SPMIP2: variants seen among roughly 807,000 people sequenced by gnomAD.
SPMIP2 encodes the protein protein SPMIP2.
chr4:159,032,196 T>C, the SPMIP2 span, among the ~76,000 whole-genome samples: 1 of 152,084 alleles, frequency 6.6e-6, no homozygotes, highest in Non-Finnish European at 1.5e-5. Flanking sequence ...CACTCCAGCC[T>C]GAGCAACAGA....
the SPMIP2 span, among the ~76,000 whole-genome samples, chr4:159,016,387 T>C: frequency 6.6e-6 from 1 of 152,212 alleles, no homozygotes; most frequent in Admixed American, 6.5e-5. Flanking sequence ...AGCCCACTTA[T>C]TATACTACTG....
At chr4:158,904,575 G>GA in the SPMIP2 span, 15 of 1,581,464 alleles carry the variant, frequency 9.5e-6, no homozygotes, top group East Asian at 1.8e-4. Flanking sequence ...TTCCTTGGAA[G>GA]AAAAAAATCA....
At chr4:159,047,080 T>C in the SPMIP2 span, among the ~76,000 whole-genome samples, 1 of 152,226 alleles carries the variant, frequency 6.6e-6, no homozygotes, top group East Asian at 1.9e-4. Context: ...AGCACTCCAC[T>C]TCAGTGACCA....
the SPMIP2 span, among the ~76,000 whole-genome samples, chr4:158,924,961 T>C: frequency 1.3e-5 from 2 of 152,244 alleles, no homozygotes; most frequent in Non-Finnish European, 2.9e-5. Flanking sequence ...TTTACTAGTA[T>C]TTTGTTGAAT....
chr4:159,012,934 C>T, the SPMIP2 span, among the ~76,000 whole-genome samples: 1 of 152,128 alleles, frequency 6.6e-6, no homozygotes. Context: ...ATTAGATTTC[C>T]ACTTCAAAAG....
chr4:158,957,301 T>A, the SPMIP2 span, among the ~76,000 whole-genome samples: 1 of 152,208 alleles, frequency 6.6e-6, no homozygotes, highest in Non-Finnish European at 1.5e-5. Context: ...AATCTGATCC[T>A]CATCTCACTA....
the SPMIP2 span, among the ~76,000 whole-genome samples, chr4:158,930,591 C>A: frequency 1.3e-4 from 19 of 151,764 alleles, no homozygotes; most frequent in African/African-American, 3.9e-4. Flanking sequence ...TCCTGGACTC[C>A]AGTGATCCTT....
the SPMIP2 span, among the ~76,000 whole-genome samples, chr4:158,950,412 T>C: frequency 6.6e-6 from 1 of 152,202 alleles, no homozygotes; most frequent in African/African-American, 2.4e-5. Context: ...CCACAGCCAT[T>C]TGAGCTGTTA....
chr4:158,980,341 C>T, the SPMIP2 span, among the ~76,000 whole-genome samples: 1 of 152,334 alleles, frequency 6.6e-6, no homozygotes, highest in South Asian at 2.1e-4. Context: ...CCCAGCACAG[C>T]ATTCGAGCTC....
the SPMIP2 span, among the ~76,000 whole-genome samples, chr4:159,069,439 C>CT: frequency 7.5e-5 from 11 of 147,228 alleles, no homozygotes; most frequent in South Asian, 2.2e-4. Context: ...TTTCTTTTTT[C>CT]TTTTTTTTTT....
the SPMIP2 span, among the ~76,000 whole-genome samples, chr4:159,062,729 C>CTCTCTCTCT: frequency 3.4e-4 from 51 of 150,336 alleles, no homozygotes; most frequent in East Asian, 5.9e-4. Context: ...CTCTCTGTCA[C>CTCTCTCTCT]CCAGGCTGGA....
chr4:159,073,300 C>T, the SPMIP2 span, among the ~76,000 whole-genome samples: 1 of 152,020 alleles, frequency 6.6e-6, no homozygotes, highest in African/African-American at 2.4e-5. Flanking sequence ...GCCACAGGCG[C>T]ACGCCACCAT....
chr4:158,911,071 A>G, the SPMIP2 span, among the ~76,000 whole-genome samples: 2 of 152,198 alleles, frequency 1.3e-5, no homozygotes, highest in African/African-American at 4.8e-5. Flanking sequence ...AACAGTACCA[A>G]CTTAAGAGTT....
At chr4:158,960,507 C>A in the SPMIP2 span, among the ~76,000 whole-genome samples, 1 of 151,998 alleles carries the variant, frequency 6.6e-6, no homozygotes, top group Non-Finnish European at 1.5e-5. Context: ...GCTTTTGATT[C>A]CTGAACAGAG....
the SPMIP2 span, among the ~76,000 whole-genome samples, chr4:158,980,331 C>G: frequency 4.2e-3 from 635 of 152,304 alleles, 6 homozygotes; most frequent in African/African-American, 0.014. Context: ...CAGTGGATCT[C>G]CCAGCACAGC....
the SPMIP2 span, chr4:159,007,545 G>C: frequency 9.4e-6 from 10 of 1,060,114 alleles, no homozygotes; most frequent in East Asian, 3.2e-4. Flanking sequence ...AGCAATCCAG[G>C]AGAAGGTGCT....
chr4:159,037,616 CAA>C, the SPMIP2 span, among the ~76,000 whole-genome samples: 1,272 of 151,848 alleles, frequency 8.4e-3, 23 homozygotes, highest in African/African-American at 0.029. Flanking sequence ...CCCATCTCTA[CAA>C]AAATTAGCTG....
the SPMIP2 span, among the ~76,000 whole-genome samples, chr4:158,982,294 C>A: frequency 6.6e-6 from 1 of 152,058 alleles, no homozygotes; most frequent in Non-Finnish European, 1.5e-5. Context: ...AACACCCCAC[C>A]ATTAATATTA....
chr4:158,915,075 G>T, the SPMIP2 span: 1 of 1,077,626 alleles, frequency 9.3e-7, no homozygotes. Context: ...CTACAAAACT[G>T]ATTATTAGTA....
Sources: allele counts gnomAD v4.1 joint callset (sites outside exome capture counted in the v4.1 genomes callset), GRCh38; gene constraint gnomAD v4.1.1; transcripts MANE v1.5; gene names NCBI Gene and HGNC (gene_info 2026-07-23, HGNC 2026-07-21).